Variants in USP36 observed in about 807,000 individuals in gnomAD.
USP36 encodes ubiquitin specific peptidase 36, also known as ubiquitin carboxyl-terminal hydrolase 36.
USP36 carries 59 observed loss-of-function variants against 111.5 expected under a neutral mutation model. The ratio of observed to expected loss-of-function variants is 0.53; its 90% confidence interval spans 0.43 to 0.66. The LOEUF is 0.66. USP36 is among the 30% of genes least tolerant of loss of function. The pLI, the probability that USP36 is intolerant of heterozygous loss-of-function variation, is 0.00. For synonymous variants in USP36, 628 were observed against 581.0 expected (o/e 1.08, Z -1.16); for missense variants, 1,488 against 1,468.0 (o/e 1.01, Z -0.22).
intron 3 of USP36, 43 bp downstream of exon 3, chr17:78,836,068 C>A (rs748682998): frequency 6.2e-7 from 1 of 1,601,250 alleles, no homozygotes; most frequent in Non-Finnish European, 8.5e-7. Context: ...ACTTCGTCAC[C>A]CCGGAGTGAG....
At chr17:78,825,867 C>CG (rs1027910390) in intron 6 of USP36, among the ~76,000 whole-genome samples, 3 of 152,170 alleles carry the variant, frequency 2.0e-5, no homozygotes, top group African/African-American at 7.2e-5. Context: ...TGCAGGCCCT[C>CG]GGGGGTCACT....
At chr17:78,806,117 A>G in intron 15 of USP36, 39 bp downstream of exon 15, 3 of 1,611,604 alleles carry the variant, frequency 1.9e-6, no homozygotes, top group Non-Finnish European at 2.5e-6. Flanking sequence ...CCACAGGGAG[A>G]ACCAGTTGGC....
downstream of USP36, among the ~76,000 whole-genome samples, chr17:78,794,274 A>G (rs2093605629): frequency 6.6e-6 from 1 of 152,160 alleles, no homozygotes; most frequent in Non-Finnish European, 1.5e-5. Flanking sequence ...GGAATCCACT[A>G]TCAGCCTCAG....
In USP36 at chr17:78,807,111, A is replaced by G. The variant is rs1444346245; in HGVS notation, c.1933T>C (p.Cys645Arg). The stretch of plus-strand genomic sequence containing the variant: ...GTTTTGGAGTGGCCAGCGGTGGAAC[A>G]GTTCGTTTCCTGAGAATCGCAGAGA... Reference protein sequence around the residue: ...AHLCDSQETNCSTAGHSKTPP... With the variant: ...AHLCDSQETNRSTAGHSKTPP... The change falls in exon 14 of 21, where the codon TGT becomes CGT. Residue 645 changes from cysteine to arginine, a missense_variant. Physicochemically the swap from Cys to Arg is radical, Grantham distance 180. Transcript: ENST00000449938. The G allele has an allele frequency of 6.2e-7, 1 of 1,614,086 alleles. No individual in the cohort carries two copies. Among genetic ancestry groups the G allele is most frequent in the Non-Finnish European group, 8.5e-7 (1 of 1,180,038 alleles).
rs2093800710 is a variant in USP36 at position 78,803,228 on chromosome 17, C to T, written c.2810+157G>A. On this transcript the variant is annotated intron_variant, in intron 16 of 20. Transcript: ENST00000449938. The surrounding 1 kb of genome is among the most constrained non-coding windows in gnomAD (Gnocchi z 4.6). ...CTAGGATTACAGGTGTGAGCCACCA[C>T]ACCCAGCCAGAGGAGACATCTGATC... Among the ~76,000 whole-genome samples, 2 of 152,152 alleles carry T rather than the reference C, an allele frequency of 1.3e-5. No individual in the cohort carries two copies. The highest frequency in any genetic ancestry group is 4.1e-4 in the South Asian group (2 of 4,824).
At chr17:78,831,476 G>A (rs2068103762) in intron 4 of USP36, among the ~76,000 whole-genome samples, 1 of 151,640 alleles carries the variant, frequency 6.6e-6, no homozygotes, top group Non-Finnish European at 1.5e-5. Context: ...AGCCGTGTGT[G>A]GTGGCAGTCA....
chr17:78,832,460 T>C (rs1006783649), intron 4 of USP36, among the ~76,000 whole-genome samples: 5 of 152,244 alleles, frequency 3.3e-5, no homozygotes, highest in African/African-American at 1.2e-4. Flanking sequence ...ACAGTGATAC[T>C]GGCCCATGGG....
intron 6 of USP36, among the ~76,000 whole-genome samples, chr17:78,823,724 G>T (rs2094386042): frequency 6.6e-6 from 1 of 152,138 alleles, no homozygotes; most frequent in Non-Finnish European, 1.5e-5. Flanking sequence ...AGCCTTAGAA[G>T]GGCAGTGAAG....
intron 6 of USP36, among the ~76,000 whole-genome samples, chr17:78,825,924 G>A (rs1349260173): frequency 2.6e-5 from 4 of 152,148 alleles, no homozygotes; most frequent in Non-Finnish European, 5.9e-5. Flanking sequence ...CTCTATCACA[G>A]CATTGGCCAC....
At chr17:78,811,130 CA>C (rs969048033) in intron 13 of USP36, among the ~76,000 whole-genome samples, 351 of 28,360 alleles carry the variant, frequency 0.012, no homozygotes, top group African/African-American at 0.015. Context: ...GACTCTGTCT[CA>C]AAAAAAAAAA....
downstream of USP36, among the ~76,000 whole-genome samples, chr17:78,791,666 G>A (rs1027199781): frequency 3.3e-5 from 5 of 152,160 alleles, no homozygotes; most frequent in African/African-American, 1.2e-4. Flanking sequence ...GCTGCCCAGA[G>A]GCCTCTAGGG....
rs1198608940 is a variant in USP36, at chr17:78,799,669, T to C, written c.3122A>G (p.Lys1041Arg). ...AAGTCCTGTCTCCAAATCAGTACCTTTTCTCCCGTAAGCTTTATCAGATGA... is the reference window on the plus strand; with the variant it reads ...AAGTCCTGTCTCCAAATCAGTACCTCTTCTCCCGTAAGCTTTATCAGATGA... ...KYSSDKAYGR[K>R]VLTWDGKMSA... Residue 1041 changes from lysine (K) to arginine (R), a missense_variant and splice_region_variant, in exon 18 of 21, where the codon AAA (lysine) becomes AGA (arginine). Lys to Arg is a conservative substitution (Grantham distance 26, BLOSUM62 2). Transcript: ENST00000449938. The C allele has an allele frequency of 1.9e-6, 3 of 1,611,614 alleles. No individual in the cohort carries two copies. Among genetic ancestry groups the C allele is most frequent in the African/African-American group, 1.3e-5 (1 of 74,754 alleles).
At chr17:78,823,161 T>A (rs1335139025) in intron 6 of USP36, 2 of 398,578 alleles carry the variant, frequency 5.0e-6, no homozygotes, top group Non-Finnish European at 8.8e-6. Context: ...GGGGGACCAA[T>A]ACAGGATCAT....
intron 15 of USP36, among the ~76,000 whole-genome samples, chr17:78,805,728 C>A (rs963509786): frequency 1.3e-5 from 2 of 152,232 alleles, no homozygotes; most frequent in African/African-American, 4.8e-5. Flanking sequence ...CTGCATGACG[C>A]TAGCAGGCAA....
At chr17:78,830,832 T>C (rs1229071393) in intron 4 of USP36, among the ~76,000 whole-genome samples, 3 of 151,862 alleles carry the variant, frequency 2.0e-5, no homozygotes, top group Non-Finnish European at 2.9e-5. Flanking sequence ...CATTTTAGAC[T>C]TCTGCTTGCC....
intron 3 of USP36, among the ~76,000 whole-genome samples, chr17:78,789,216 A>AT (rs2093561953): frequency 6.6e-6 from 1 of 151,074 alleles, no homozygotes; most frequent in Non-Finnish European, 1.5e-5. Flanking sequence ...AAAAAAAAAA[A>AT]AAAAGGAGAT....
rs2145420541 is a variant in USP36, at chr17:78,821,928, T to C, written c.757+9A>G. The C allele has an allele frequency of 6.2e-7, 1 of 1,614,038 alleles. No homozygotes were observed. The highest frequency in any genetic ancestry group is 1.1e-5 in the South Asian group (1 of 91,076). On this transcript the variant is annotated intron_variant, in intron 7 of 20. Coordinates refer to ENST00000449938, the MANE Select transcript of USP36 (RefSeq NM_001385174.1). Reference sequence around the variant, plus strand: ...GGCAAGAAGCAGTAGAACAAACGTCTCCACTTACCGCGTGATCTGAGATAC... The same window carrying C: ...GGCAAGAAGCAGTAGAACAAACGTCCCCACTTACCGCGTGATCTGAGATAC...
At chr17:78,821,174 G>A (rs1599054856) in intron 7 of USP36, 113 bp from the exon 8 acceptor site, 1 of 1,026,070 alleles carries the variant, frequency 9.7e-7, no homozygotes, top group East Asian at 2.7e-5. Context: ...GGCCAAAGAT[G>A]AGATTCCCAC....
At chr17:78,834,779 G>A (rs896676373) in intron 4 of USP36, among the ~76,000 whole-genome samples, 4 of 151,932 alleles carry the variant, frequency 2.6e-5, no homozygotes, top group Non-Finnish European at 4.4e-5. Context: ...CAGGCTGCAC[G>A]TTTTATAATA....
Sources: gnomAD v4.1 joint callset for allele counts (sites outside exome capture counted in the v4.1 genomes callset) on GRCh38, gnomAD v4.1.1 for gene constraint, Gnocchi (gnomAD v3.1) non-coding constraint, MANE v1.5 for transcripts, NCBI Gene and HGNC (gene_info 2026-07-23, HGNC 2026-07-21) for gene names.